NAT1: variants seen among roughly 807,000 people sequenced by gnomAD.
NAT1 encodes the protein arylamine N-acetyltransferase 1.
For missense variants in NAT1, 400 were observed against 339.2 expected (o/e 1.18, Z -1.41); for synonymous variants, 144 against 122.6 (o/e 1.17, Z -1.16).
chr8:18,218,412 G>A (rs1384875840), intron 1 of NAT1, among the ~76,000 whole-genome samples: 6 of 152,170 alleles, frequency 3.9e-5, no homozygotes, highest in African/African-American at 1.2e-4. Context: ...CACAATTAGA[G>A]CTTGCGGCGG....
chr8:18,209,778 T>A (rs1029486121), upstream of NAT1: 1 of 152,194 alleles, frequency 6.6e-6, no homozygotes, highest in Non-Finnish European at 1.5e-5. Context: ...TTGCCTCCTC[T>A]AGGTTACCAG....
chr8:18,205,232 C>G (rs1765461560), upstream of NAT1, among the ~76,000 whole-genome samples: 1 of 152,156 alleles, frequency 6.6e-6, no homozygotes, highest in Non-Finnish European at 1.5e-5. Flanking sequence ...CTAGCAGGTG[C>G]CAGAGTGCCT....
At chr8:18,200,459 T>G (rs1302207278) in intron 2 of NAT1, among the ~76,000 whole-genome samples, 10 of 152,186 alleles carry the variant, frequency 6.6e-5, no homozygotes, top group Admixed American at 6.5e-4. Context: ...CCACATGTTC[T>G]CACTTATAAG....
chr8:18,181,179 T>A (rs1412077259), intron 2 of NAT1, among the ~76,000 whole-genome samples: 1 of 152,164 alleles, frequency 6.6e-6, no homozygotes. Context: ...GTTTCCTTCA[T>A]CAATGTTTTA....
chr8:18,172,920 G>T (rs1177931558), intron 2 of NAT1, among the ~76,000 whole-genome samples: 2 of 152,130 alleles, frequency 1.3e-5, no homozygotes, highest in Admixed American at 1.3e-4. Context: ...TATCTGAAAA[G>T]TGCCTCTGAG....
At chr8:18,187,278 G>A (rs997587044) in intron 2 of NAT1, among the ~76,000 whole-genome samples, 1 of 152,178 alleles carries the variant, frequency 6.6e-6, no homozygotes, top group Non-Finnish European at 1.5e-5. Flanking sequence ...AGCCACTGTG[G>A]AAAACAGTGT....
At chr8:18,221,924 A>T in intron 2 of NAT1, 118 bp from the exon 3 acceptor site, 3 of 1,104,452 alleles carry the variant, frequency 2.7e-6, no homozygotes, top group South Asian at 3.4e-5. Context: ...CACTAGAAAT[A>T]ATTATTATAC....
chr8:18,179,543 G>C (rs540934412), intron 2 of NAT1, among the ~76,000 whole-genome samples: 1 of 152,136 alleles, frequency 6.6e-6, no homozygotes, highest in Non-Finnish European at 1.5e-5. Context: ...AAGAAATGGC[G>C]TATTGAAATG....
intron 2 of NAT1, among the ~76,000 whole-genome samples, chr8:18,195,727 C>G (rs1226260567): frequency 1.3e-5 from 2 of 152,098 alleles, no homozygotes; most frequent in Non-Finnish European, 1.5e-5. Context: ...GTGGTCTGTC[C>G]TCCTGAGCTT....
At chr8:18,198,593 C>T (rs980723499) in intron 2 of NAT1, among the ~76,000 whole-genome samples, 4 of 152,164 alleles carry the variant, frequency 2.6e-5, no homozygotes, top group Non-Finnish European at 5.9e-5. Context: ...TTAAACTGTG[C>T]TCAGTGTATA....
intron 2 of NAT1, among the ~76,000 whole-genome samples, chr8:18,184,903 T>A (rs1009582136): frequency 6.6e-6 from 1 of 152,238 alleles, no homozygotes; most frequent in Non-Finnish European, 1.5e-5. Context: ...TTCTATGACA[T>A]TTTATCAAAT....
intron 2 of NAT1, among the ~76,000 whole-genome samples, chr8:18,189,830 C>A (rs749078205): frequency 1.6e-4 from 25 of 152,262 alleles, no homozygotes; most frequent in Non-Finnish European, 3.5e-4. Context: ...CACTCTGTTA[C>A]CCAGGCTGGA....
intron 1 of NAT1, among the ~76,000 whole-genome samples, chr8:18,213,915 GC>G (rs1348047861): frequency 6.6e-6 from 1 of 151,346 alleles, no homozygotes; most frequent in Non-Finnish European, 1.5e-5. Flanking sequence ...CTGGGTTCAC[GC>G]CATTCTCCTG....
chr8:18,222,002 A>G (rs572290791), intron 2 of NAT1, 40 bp from the exon 3 acceptor site: 3 of 1,559,694 alleles, frequency 1.9e-6, no homozygotes, highest in Non-Finnish European at 2.6e-6. Flanking sequence ...CCAAGTGTAA[A>G]AGTAAAATGA....
At chr8:18,192,695 A>G (rs2117262587) in intron 2 of NAT1, among the ~76,000 whole-genome samples, 1 of 152,256 alleles carries the variant, frequency 6.6e-6, no homozygotes, top group South Asian at 2.1e-4. Flanking sequence ...TTGTAGGGAC[A>G]TGGATGAAAT....
chr8:18,191,698 A>T (rs1417270945), intron 2 of NAT1, among the ~76,000 whole-genome samples: 1 of 152,186 alleles, frequency 6.6e-6, no homozygotes, highest in Non-Finnish European at 1.5e-5. Flanking sequence ...CATATCTACA[A>T]CTATCTGATC....
At chr8:18,209,215 G>C (rs1241373249), upstream of NAT1, among the ~76,000 whole-genome samples, 1 of 152,208 alleles carries the variant, frequency 6.6e-6, no homozygotes, top group African/African-American at 2.4e-5. Flanking sequence ...CCTGCCTGAG[G>C]ACATGCCAAG....
At chr8:18,174,394 T>C (rs1021938133) in intron 2 of NAT1, among the ~76,000 whole-genome samples, 2 of 152,134 alleles carry the variant, frequency 1.3e-5, no homozygotes, top group African/African-American at 2.4e-5. Flanking sequence ...CTTCCAGAAG[T>C]CACCTCACCC....
At chr8:18,185,763 T>C (rs2117236938) in intron 2 of NAT1, among the ~76,000 whole-genome samples, 1 of 152,292 alleles carries the variant, frequency 6.6e-6, no homozygotes, top group South Asian at 2.1e-4. Flanking sequence ...TCTACTTTTC[T>C]TACGTATGCT....
Sources: gnomAD v4.1 joint callset for allele counts (sites outside exome capture counted in the v4.1 genomes callset) on GRCh38, gnomAD v4.1.1 for gene constraint, MANE v1.5 for transcripts, NCBI Gene and HGNC (gene_info 2026-07-23, HGNC 2026-07-21) for gene names.